Variants in MAP3K7 observed in about 807,000 individuals in gnomAD.
MAP3K7 encodes the protein TGF-beta activated kinase 1.
Under a neutral mutation model 84.8 loss-of-function variants are expected in MAP3K7, and 21 were observed. The observed-to-expected ratio is 0.25, with a 90% confidence interval of 0.18 to 0.36. The LOEUF (loss-of-function observed/expected upper bound fraction) is 0.36. Ranked by LOEUF, MAP3K7 falls within the 10% of genes least tolerant of loss-of-function variation. The pLI is 1.00. For missense variants in MAP3K7, 503 were observed against 747.7 expected (o/e 0.67, Z 3.82); for synonymous variants, 241 against 247.7 (o/e 0.97, Z 0.25).
In MAP3K7 at chr6:90,514,222, T is replaced by C. The variant is rs1174958315; in HGVS notation, c.*2279A>G. 1 of 152,078 alleles carries C rather than the reference T, an allele frequency of 6.6e-6. No homozygotes were observed. Among genetic ancestry groups the C allele is most frequent in the African/African-American group, 2.4e-5 (1 of 41,436 alleles). 9.4% of individuals were successfully genotyped at this position (152,078 alleles called of 1,614,324 possible). A position where few individuals can be genotyped will look rare whatever the true frequency, so the allele number is the denominator to read the frequency against. ...AAGTTTGGCTCCTTGTTAACATTTT[T>C]ATTTGCAGGATGGATGAGGAAACTG... On this transcript the variant is annotated 3_prime_UTR_variant, in exon 17 of 17. Coordinates refer to ENST00000369329, the MANE Select transcript of MAP3K7 (RefSeq NM_145331.3).
intron 2 of MAP3K7, among the ~76,000 whole-genome samples, chr6:90,570,747 T>G (rs1015656260): frequency 6.6e-6 from 1 of 152,190 alleles, no homozygotes; most frequent in South Asian, 2.1e-4. Flanking sequence ...ATTCCTAATG[T>G]TTAACACATA....
chr6:90,523,818 A>AT (rs1775233586), intron 13 of MAP3K7, 35 bp from the exon 14 acceptor site: 2 of 1,222,930 alleles, frequency 1.6e-6, no homozygotes, highest in East Asian at 4.7e-5. Context: ...ACAAAATGTG[A>AT]TTTTTTGATT....
At chr6:90,562,432 C>A (rs1016467596) in intron 3 of MAP3K7, among the ~76,000 whole-genome samples, 2 of 152,210 alleles carry the variant, frequency 1.3e-5, no homozygotes, top group African/African-American at 2.4e-5. Context: ...TTATATCCTG[C>A]ACCTGGCTCG....
Position 90,586,935 on chromosome 6 carries a change from GGGT to G in MAP3K7, c.-55_-53del. 1 of 1,529,270 alleles carries G rather than the reference GGGT, an allele frequency of 6.5e-7. No homozygotes were observed. The highest frequency in any genetic ancestry group is 8.7e-7 in the Non-Finnish European group (1 of 1,146,312). The allele number at this position is 1,529,270 out of a possible 1,614,324, so 94.7% of individuals were successfully genotyped here. A position where few individuals can be genotyped will look rare whatever the true frequency, so the allele number is the denominator to read the frequency against. On this transcript the variant is annotated 5_prime_UTR_variant, in exon 1 of 17. Transcript: ENST00000369329. The stretch of plus-strand genomic sequence containing the variant: ...GGGAACGGTGCCACCCGGACAATCC[GGGT>G]GAGACCCGCGCCCACCCGCCTCCGG...
At chr6:90,569,808 C>A (rs1019857708) in intron 2 of MAP3K7, among the ~76,000 whole-genome samples, 1 of 152,082 alleles carries the variant, frequency 6.6e-6, no homozygotes, top group Non-Finnish European at 1.5e-5. Context: ...TCCCGCTCCA[C>A]AGCAAACTGC....
chr6:90,568,153 T>C (rs964922555), intron 3 of MAP3K7, among the ~76,000 whole-genome samples: 1 of 152,136 alleles, frequency 6.6e-6, no homozygotes. Context: ...ACATGGCAAA[T>C]GTATACATAC....
chr6:90,535,293 A>G (rs1231954916), intron 13 of MAP3K7, among the ~76,000 whole-genome samples: 1 of 151,942 alleles, frequency 6.6e-6, no homozygotes, highest in African/African-American at 2.4e-5. Context: ...TACAAATGAT[A>G]TAATAATAAA....
intron 13 of MAP3K7, among the ~76,000 whole-genome samples, chr6:90,534,228 T>C (rs1232893721): frequency 6.6e-6 from 1 of 152,178 alleles, no homozygotes; most frequent in African/African-American, 2.4e-5. Flanking sequence ...AAAACACATA[T>C]TGTGAATACT....
At chr6:90,553,162 C>T (rs1311583868) in intron 7 of MAP3K7, among the ~76,000 whole-genome samples, 2 of 152,104 alleles carry the variant, frequency 1.3e-5, no homozygotes, top group Admixed American at 6.5e-5. Flanking sequence ...CAGCCTGATG[C>T]TTCTCCCTAA....
chr6:90,543,093 AT>A (rs1388568762), intron 12 of MAP3K7, among the ~76,000 whole-genome samples: 3 of 18,574 alleles, frequency 1.6e-4, no homozygotes, highest in East Asian at 6.1e-4. Context: ...GTTCAGCGGT[AT>A]GTAAGTTTAA....
intron 16 of MAP3K7, among the ~76,000 whole-genome samples, chr6:90,517,638 C>T (rs755992834): frequency 7.9e-5 from 12 of 151,762 alleles, no homozygotes; most frequent in Non-Finnish European, 1.3e-4. Context: ...TATTTAATTT[C>T]CTATTTAGGC....
intron 7 of MAP3K7, 83 bp from the exon 8 acceptor site, chr6:90,552,262 G>C (rs1019312504): frequency 3.1e-6 from 4 of 1,278,316 alleles, no homozygotes; most frequent in Non-Finnish European, 2.2e-6. Flanking sequence ...TTTCCAAAGT[G>C]GTATTTATTT....
chr6:90,582,094 G>C (rs932531049), intron 1 of MAP3K7, among the ~76,000 whole-genome samples: 2 of 152,116 alleles, frequency 1.3e-5, no homozygotes, highest in Non-Finnish European at 2.9e-5. Context: ...ATTGTAAATA[G>C]TGTCTTTTTA....
At chr6:90,568,925 T>C (rs1776807294) in intron 2 of MAP3K7, among the ~76,000 whole-genome samples, 1 of 152,092 alleles carries the variant, frequency 6.6e-6, no homozygotes, top group African/African-American at 2.4e-5. Context: ...GATGAGTATA[T>C]AGAATAAGAA....
chr6:90,577,330 A>G (rs933854929), intron 1 of MAP3K7, among the ~76,000 whole-genome samples: 4 of 152,216 alleles, frequency 2.6e-5, no homozygotes, highest in Non-Finnish European at 5.9e-5. Context: ...AGTCATATGA[A>G]GTTTAAGATG....
rs181855611 is a variant in MAP3K7, at chr6:90,582,780, T to C, written c.120+3984A>G. ...GTTTAATTTACACTATATTCAGTTT[T>C]AAATTTGTGGTCTATAGTTAACTGT... On this transcript the variant is annotated intron_variant, in intron 1 of 16. Coordinates refer to ENST00000369329, the MANE Select transcript of MAP3K7 (RefSeq NM_145331.3). Among the ~76,000 whole-genome samples, 14 of 152,316 alleles carry C rather than the reference T, an allele frequency of 9.2e-5. No individual in the cohort carries two copies. In the East Asian group the frequency reaches 2.5e-3, roughly 27 times the overall value.
chr6:90,552,138 C>T lies in MAP3K7; in HGVS notation c.778G>A (p.Glu260Lys), dbSNP rs772558226. 1.9e-6 allele frequency: 3 copies of T among 1,612,322 alleles called. No homozygotes were observed. The highest frequency in any genetic ancestry group is 1.1e-5 in the South Asian group (1 of 90,920). The part of the protein sequence containing the change: ...PLIKNLPKPI[E>K]SLMTRCWSKD... ...GACCAACAACGAGTCATCAGGCTCT[C>T]AATGGGCTTAGGTAAATTTTTTATC... The change falls in exon 8 of 17, where the codon GAG becomes AAG. Residue 260 changes from glutamate to lysine, a missense_variant. Physicochemically the swap from Glu to Lys is moderately conservative, Grantham distance 56. This residue lies in a region of MAP3K7 where 286 missense variants were observed against 313.6 expected (regional missense o/e 0.91). Transcript: ENST00000369329.
intron 4 of MAP3K7, 76 bp from the exon 5 acceptor site, chr6:90,560,290 C>A: frequency 6.8e-7 from 1 of 1,465,242 alleles, no homozygotes; most frequent in East Asian, 2.3e-5. Context: ...CAAGCACTAT[C>A]AGAACACATG....
At chr6:90,529,720 T>C (rs1562082043) in intron 13 of MAP3K7, among the ~76,000 whole-genome samples, 1 of 152,202 alleles carries the variant, frequency 6.6e-6, no homozygotes, top group Admixed American at 6.5e-5. Context: ...TTTGGCTGTA[T>C]AGTCAGTTCC....
Sources: gnomAD v4.1 joint callset for allele counts (sites outside exome capture counted in the v4.1 genomes callset) on GRCh38, gnomAD v4.1.1 for gene constraint, gnomAD v4.1.1 regional missense constraint, MANE v1.5 for transcripts, NCBI Gene and HGNC (gene_info 2026-07-23, HGNC 2026-07-21) for gene names.